The following SMYD3 variants were observed in gnomAD, a reference collection of about 807,000 sequenced individuals.
SMYD3 encodes the protein SET and MYND domain containing 3, also known as histone-lysine N-methyltransferase SMYD3.
Under a neutral mutation model 57.7 loss-of-function variants are expected in SMYD3, and 36 were observed. That is an observed-to-expected ratio of 0.62 (90% CI 0.48 to 0.82). The LOEUF is 0.82. Among genes scored for constraint, SMYD3 ranks in the 40% least tolerant of loss-of-function variants. The pLI, the probability that SMYD3 is intolerant of heterozygous loss-of-function variation, is 0.00. For missense variants in SMYD3, 515 were observed against 538.8 expected, an observed-to-expected ratio of 0.96 and a Z score of 0.44; for synonymous variants, 211 against 195.0, an observed-to-expected ratio of 1.08 and a Z score of -0.68.
At chr1:246,371,041 A>G (rs1418530339) in intron 1 of SMYD3, among the ~76,000 whole-genome samples, 1 of 152,336 alleles carries the variant, frequency 6.6e-6, no homozygotes, top group African/African-American at 2.4e-5. Flanking sequence ...AGACTATTAA[A>G]TATTCAATAA....
chr1:246,062,624 C>A (rs555509455), intron 5 of SMYD3, among the ~76,000 whole-genome samples: 2 of 152,314 alleles, frequency 1.3e-5, no homozygotes, highest in South Asian at 4.1e-4. Context: ...TATATTTTAA[C>A]ATTTCATTTT....
chr1:246,150,668 G>A (rs374001229), intron 5 of SMYD3, among the ~76,000 whole-genome samples: 1 of 152,202 alleles, frequency 6.6e-6, no homozygotes, highest in East Asian at 1.9e-4. Flanking sequence ...GGGATGAAGC[G>A]AGTCTATTTG....
At position 246,050,742 on chromosome 1, in the gene SMYD3, C is replaced by T. The variant is rs75337259; in HGVS notation, c.532-120805G>A. On this transcript the variant is annotated intron_variant, in intron 5 of 11. Transcript: ENST00000490107. ...GTGTTTGTTTGATTATGCAGGTGCA[C>T]ACATGTATATAAACAAGCTGGGAGG... Among the ~76,000 whole-genome samples the T allele has an allele frequency of 3.3e-3, 497 of 152,204 alleles. 4 individuals are homozygous for T. Among genetic ancestry groups the T allele is most frequent in the African/African-American group, 0.011 (464 of 41,536 alleles).
intron 11 of SMYD3, among the ~76,000 whole-genome samples, chr1:245,763,471 T>C (rs1340431289): frequency 6.6e-6 from 1 of 152,122 alleles, no homozygotes; most frequent in Non-Finnish European, 1.5e-5. Flanking sequence ...GGGGTTGTGA[T>C]GCGGAGAGCA....
At chr1:246,079,694 A>G (rs2060607107) in intron 5 of SMYD3, among the ~76,000 whole-genome samples, 1 of 152,238 alleles carries the variant, frequency 6.6e-6, no homozygotes, top group Non-Finnish European at 1.5e-5. Flanking sequence ...CTTAGTGCAT[A>G]GCCTTATTGC....
chr1:246,434,800 C>A (rs949402459), intron 1 of SMYD3, among the ~76,000 whole-genome samples: 8 of 152,132 alleles, frequency 5.3e-5, no homozygotes, highest in African/African-American at 1.9e-4. Context: ...TAGTAGGTAT[C>A]TATCCAAAAG....
At chr1:246,399,580 C>A (rs1348857132) in intron 1 of SMYD3, among the ~76,000 whole-genome samples, 1 of 152,060 alleles carries the variant, frequency 6.6e-6, no homozygotes, top group Non-Finnish European at 1.5e-5. Flanking sequence ...CTGGGCTCAA[C>A]TGATCTGCCC....
intron 5 of SMYD3, among the ~76,000 whole-genome samples, chr1:246,277,353 T>C (rs12751002): frequency 0.34 from 51,268 of 151,980 alleles, 9,514 homozygotes; most frequent in East Asian, 0.72. Flanking sequence ...AAAAAGAGAC[T>C]ACATCAAATG....
At chr1:246,321,967 G>A (rs2065256266) in intron 5 of SMYD3, 1 of 152,546 alleles carries the variant, frequency 6.6e-6, no homozygotes, top group African/African-American at 2.4e-5. Flanking sequence ...ATGTTGCCCA[G>A]GCTGATCTCA....
chr1:246,481,621 T>TATATATATATATATATATATATATACAC (rs1307881494), intron 1 of SMYD3, among the ~76,000 whole-genome samples: 4 of 98,560 alleles, frequency 4.1e-5, no homozygotes, highest in Admixed American at 1.1e-4. Context: ...CATACATATA[T>TATATATATATATATATATATATATACAC]ACATACATAC....
intron 8 of SMYD3, among the ~76,000 whole-genome samples, chr1:245,914,495 T>C (rs1317902697): frequency 1.3e-5 from 2 of 152,302 alleles, no homozygotes; most frequent in South Asian, 4.2e-4. Context: ...GAGGACACTA[T>C]GTTAAGCAAA....
At chr1:246,008,251 G>T (rs746326180) in intron 5 of SMYD3, among the ~76,000 whole-genome samples, 6 of 152,216 alleles carry the variant, frequency 3.9e-5, no homozygotes, top group Non-Finnish European at 8.8e-5. Context: ...ATTCTGAAAG[G>T]CCTCGGAGAA....
intron 1 of SMYD3, among the ~76,000 whole-genome samples, chr1:246,396,547 A>G (rs1483639035): frequency 6.6e-6 from 1 of 152,216 alleles, no homozygotes; most frequent in Non-Finnish European, 1.5e-5. Context: ...ACATCGGTTT[A>G]TTTTGATACT....
At chr1:245,831,056 C>T (rs1039600210) in intron 10 of SMYD3, among the ~76,000 whole-genome samples, 1 of 152,172 alleles carries the variant, frequency 6.6e-6, no homozygotes, top group Admixed American at 6.5e-5. Flanking sequence ...CTTTACCAAA[C>T]TAGAGCTAAT....
intron 1 of SMYD3, among the ~76,000 whole-genome samples, chr1:246,380,945 G>A (rs1424236348): frequency 6.6e-6 from 1 of 152,208 alleles, no homozygotes; most frequent in Non-Finnish European, 1.5e-5. Context: ...CAGCCCAGGT[G>A]TCAGATGGAT....
intron 5 of SMYD3, among the ~76,000 whole-genome samples, chr1:246,043,711 A>G (rs2059916437): frequency 6.6e-6 from 1 of 152,252 alleles, no homozygotes; most frequent in Non-Finnish European, 1.5e-5. Context: ...GAACATGCTC[A>G]GCCAATGATG....
chr1:245,774,699 C>CTCTCTTTCCACGGTCTCCCTCTCCT (rs1553318146), intron 10 of SMYD3, among the ~76,000 whole-genome samples: 5 of 117,408 alleles, frequency 4.3e-5, no homozygotes, highest in East Asian at 5.2e-4. Context: ...CTCCCTCTCC[C>CTCTCTTTCCACGGTCTCCCTCTCCT]TCTCCACGGT....
At chr1:246,500,106 G>C (rs148280481) in intron 1 of SMYD3, among the ~76,000 whole-genome samples, 7 of 152,306 alleles carry the variant, frequency 4.6e-5, no homozygotes, top group Admixed American at 1.3e-4. Context: ...TGGGAAACTG[G>C]TTGTTGCTGG....
chr1:246,000,764 C>T (rs1178145572), intron 5 of SMYD3, among the ~76,000 whole-genome samples: 2 of 152,196 alleles, frequency 1.3e-5, no homozygotes, highest in Admixed American at 6.5e-5. Flanking sequence ...ACTGGTGATT[C>T]GCTGAGTTCA....
Sources: gnomAD v4.1 joint callset for allele counts (sites outside exome capture counted in the v4.1 genomes callset) on GRCh38, gnomAD v4.1.1 for gene constraint, MANE v1.5 for transcripts, NCBI Gene and HGNC (gene_info 2026-07-23, HGNC 2026-07-21) for gene names.